DMD: variants seen among roughly 807,000 people sequenced by gnomAD.
DMD encodes the protein mutant dystrophin.
In DMD, 63 loss-of-function variants were observed where a neutral mutation model predicts 330.1. The ratio of observed to expected loss-of-function variants is 0.19; its 90% CI spans 0.16 to 0.24. DMD has a LOEUF of 0.24. Ranked by LOEUF, DMD falls within the 10% of genes least tolerant of loss-of-function variation. The pLI is 1.00. For missense variants in DMD, 3,344 were observed against 2,684.1 expected, an observed-to-expected ratio of 1.25 and a Z score of -5.43; for synonymous variants, 1,223 against 959.8, an observed-to-expected ratio of 1.27 and a Z score of -5.07.
At chrX:31,128,161 G>A (rs1201051662) in intron 77 of DMD, among the ~76,000 whole-genome samples, 7 of 111,164 alleles carry the variant, frequency 6.3e-5, no homozygotes, top group Non-Finnish European at 1.3e-4. Flanking sequence ...CTTTAGCAAG[G>A]TTTTTTTAAA....
chrX:31,857,810 TATATGC>T (rs199583226), intron 48 of DMD, among the ~76,000 whole-genome samples: 5,702 of 110,115 alleles, frequency 0.052, 117 homozygotes, highest in Middle Eastern at 0.075. Flanking sequence ...TAATATCCCC[TATATGC>T]ACAGATACAT....
intron 41 of DMD, among the ~76,000 whole-genome samples, chrX:32,323,737 G>A (rs2097634221): frequency 1.8e-5 from 2 of 111,250 alleles, no homozygotes; most frequent in Admixed American, 1.9e-4. Flanking sequence ...AAGAGATGCA[G>A]TAGAGTGCAG....
At chrX:33,112,252 A>G (rs1304983619) in intron 1 of DMD, among the ~76,000 whole-genome samples, 1 of 111,265 alleles carries the variant, frequency 9.0e-6, no homozygotes, top group Admixed American at 9.6e-5. Context: ...TAATGTATAT[A>G]TTAAACTTTG....
At chrX:33,297,220 T>C (rs1480124492) in intron 1 of DMD, among the ~76,000 whole-genome samples, 2 of 111,769 alleles carry the variant, frequency 1.8e-5, no homozygotes, top group Non-Finnish European at 1.9e-5. Context: ...TAAAAGAACA[T>C]AAAGTTTAAA....
chrX:32,657,187 C>A (rs2060635927), intron 9 of DMD, among the ~76,000 whole-genome samples: 1 of 110,581 alleles, frequency 9.0e-6, no homozygotes, highest in Admixed American at 9.8e-5. Context: ...CACAATAGAA[C>A]CTTTCTCATA....
At position 31,764,942 on chromosome X, in the gene DMD, G is replaced by A. The variant is rs764517903; in HGVS notation, c.7542+9018C>T. On this transcript the variant is annotated intron_variant, in intron 51 of 78. Transcript: ENST00000357033. ...GTGAATTACTAAAATTGTATTCAAA[G>A]TTATTTTTATAAATCGAATAAGAAA... 2.7e-5 allele frequency among the ~76,000 whole-genome samples: 3 copies of A among 111,424 alleles called. No homozygotes were observed. In the South Asian group the frequency reaches 1.1e-3, roughly 41 times the overall value.
At position 32,734,250 on chromosome X, in the gene DMD, T is replaced by G. The variant is rs370039223; in HGVS notation, c.650-34957A>C. On this transcript the variant is annotated intron_variant, in intron 7 of 78. Transcript: ENST00000357033. Reference sequence around the variant, plus strand: ...ATCTCTGAATAGACCAATAACAGGATCTGAAATTGTGGCAATAATCAATAG... The same window carrying G: ...ATCTCTGAATAGACCAATAACAGGAGCTGAAATTGTGGCAATAATCAATAG... 6.6e-3 allele frequency among the ~76,000 whole-genome samples: 670 copies of G among 102,048 alleles called. 19 individuals carry two copies. The East Asian group carries it at 0.098, about 15-fold the overall frequency. 88.6% of individuals were successfully genotyped at this position (102,048 alleles called of 115,157 possible).
intron 1 of DMD, among the ~76,000 whole-genome samples, chrX:33,195,439 C>T (rs1253684329): frequency 1.8e-5 from 2 of 111,448 alleles, no homozygotes; most frequent in East Asian, 5.7e-4. Context: ...AATTTCTACT[C>T]TGCTCACCTC....
intron 59 of DMD, among the ~76,000 whole-genome samples, chrX:31,473,230 G>C (rs1022308623): frequency 1.9e-5 from 2 of 107,945 alleles, no homozygotes; most frequent in Non-Finnish European, 3.8e-5. Flanking sequence ...TTAGCCAGGC[G>C]TGGTGGCACA....
At chrX:32,136,622 G>A (rs1603626777) in intron 44 of DMD, among the ~76,000 whole-genome samples, 1 of 111,946 alleles carries the variant, frequency 8.9e-6, no homozygotes, top group Admixed American at 9.5e-5. Flanking sequence ...TGACTTGAAC[G>A]TGGCACAGCC....
At chrX:32,941,025 A>G (rs1390777160) in intron 2 of DMD, among the ~76,000 whole-genome samples, 1 of 112,135 alleles carries the variant, frequency 8.9e-6, no homozygotes, top group Non-Finnish European at 1.9e-5. Context: ...AAGACATACA[A>G]GTAGCCTACA....
intron 1 of DMD, among the ~76,000 whole-genome samples, chrX:33,062,523 C>CAACAG (rs1414927431): frequency 8.9e-6 from 1 of 112,324 alleles, no homozygotes; most frequent in Non-Finnish European, 1.9e-5. Context: ...GTTGCCCAGG[C>CAACAG]TGGAGTGCAG....
intron 37 of DMD, among the ~76,000 whole-genome samples, chrX:32,356,926 G>A (rs747445696): frequency 3.6e-5 from 4 of 111,094 alleles, no homozygotes; most frequent in Non-Finnish European, 7.5e-5. Flanking sequence ...ATCTCACTCT[G>A]TCGCCCAGGC....
chrX:31,340,285 G>A (rs2057657579), intron 61 of DMD, among the ~76,000 whole-genome samples: 1 of 112,567 alleles, frequency 8.9e-6, no homozygotes, highest in African/African-American at 3.2e-5. Flanking sequence ...CAATGAAACA[G>A]CTTTTAAATT....
chrX:32,831,664 G>A (rs1296241798), intron 4 of DMD, among the ~76,000 whole-genome samples: 11 of 33,857 alleles, frequency 3.2e-4, no homozygotes, highest in African/African-American at 8.2e-4. Context: ...GTGTGTGTGT[G>A]TGTGTGTGTG....
At chrX:31,257,742 C>T (rs1015293261) in intron 63 of DMD, among the ~76,000 whole-genome samples, 17 of 111,566 alleles carry the variant, frequency 1.5e-4, no homozygotes, top group African/African-American at 5.5e-4. Flanking sequence ...GTCAGGAGTT[C>T]GAGACCAGCC....
chrX:31,969,579 C>G (rs886963362), intron 44 of DMD, among the ~76,000 whole-genome samples: 1 of 111,246 alleles, frequency 9.0e-6, no homozygotes, highest in African/African-American at 3.3e-5. Context: ...CAATAGCAAG[C>G]TGACAGTAGA....
At chrX:33,044,157 C>A (rs976052404) in intron 1 of DMD, among the ~76,000 whole-genome samples, 1 of 111,788 alleles carries the variant, frequency 8.9e-6, no homozygotes, top group Non-Finnish European at 1.9e-5. Context: ...AGAGCCCAGG[C>A]GCAGTGGCTC....
At chrX:31,239,184 G>A (rs747114223) in intron 63 of DMD, among the ~76,000 whole-genome samples, 111 of 111,662 alleles carry the variant, frequency 9.9e-4, no homozygotes, top group African/African-American at 3.5e-3. Context: ...CAGAGCCCGA[G>A]GGTAAGTTTG....
Sources: gnomAD v4.1 joint callset for allele counts (sites outside exome capture counted in the v4.1 genomes callset) on GRCh38, gnomAD v4.1.1 for gene constraint, MANE v1.5 for transcripts, NCBI Gene and HGNC (gene_info 2026-07-23, HGNC 2026-07-21) for gene names.